CNTN5: variants seen among roughly 807,000 people sequenced by gnomAD.
CNTN5 encodes the protein contactin-5.
Under a neutral mutation model 129.1 loss-of-function variants are expected in CNTN5, and 77 were observed. The observed-to-expected ratio is 0.60, with a 90% CI of 0.50 to 0.72. CNTN5 has a LOEUF of 0.72. Among genes scored for constraint, CNTN5 ranks in the 30% least tolerant of loss-of-function variants. CNTN5 has a pLI of 0.00. For missense variants in CNTN5, 1,478 were observed against 1,328.8 expected (o/e 1.11, Z -1.75); for synonymous variants, 509 against 465.6 (o/e 1.09, Z -1.20).
rs1016734040 is a variant in CNTN5 at position 99,479,264 on chromosome 11, C to T, written c.-70-76881C>T. Among the ~76,000 whole-genome samples the T allele has an allele frequency of 1.3e-4, 17 of 133,178 alleles. 1 individual carries two copies. The Admixed American group carries it at 1.3e-3, about 10-fold the overall frequency. 87.4% of individuals were successfully genotyped at this position (133,178 alleles called of 152,430 possible). ...TCTATCAGGTTCAGAATGCCCTTCA[C>T]ACTTTTTTTTTTACTATTTTATAAG... On this transcript the variant is annotated intron_variant, in intron 2 of 24. Coordinates refer to ENST00000524871, the MANE Select transcript of CNTN5 (RefSeq NM_014361.4).
intron 2 of CNTN5, 30 bp downstream of exon 2, chr11:99,325,514 A>G (rs1284272401): frequency 6.6e-6 from 1 of 152,144 alleles, no homozygotes; most frequent in African/African-American, 2.4e-5. Flanking sequence ...AACTGCCTAT[A>G]AAATTGAAAG....
chr11:99,915,352 G>A lies in CNTN5; in HGVS notation c.578-702G>A, dbSNP rs576904914. On this transcript the variant is annotated intron_variant, in intron 6 of 24. Transcript: ENST00000524871. ...CTTTTTAGGAAAATCTTTTCAAATT[G>A]TGTAAATGCAACATAGTTTAAGGGA... Among the ~76,000 whole-genome samples the A allele has an allele frequency of 2.0e-5, 3 of 152,162 alleles. No individual in the cohort carries two copies. The South Asian group carries it at 6.2e-4, about 32-fold the overall frequency.
chr11:99,907,596 T>G (rs1366746049), intron 6 of CNTN5, among the ~76,000 whole-genome samples: 1 of 151,732 alleles, frequency 6.6e-6, no homozygotes, highest in Non-Finnish European at 1.5e-5. Context: ...TATTTAAAAA[T>G]ATATCTTTTA....
At chr11:99,912,123 G>T (rs1196882350) in intron 6 of CNTN5, among the ~76,000 whole-genome samples, 1 of 151,594 alleles carries the variant, frequency 6.6e-6, no homozygotes, top group African/African-American at 2.4e-5. Context: ...AGTAACTGAA[G>T]AATGTCAAGA....
At chr11:99,596,766 C>T (rs1247203112) in intron 3 of CNTN5, among the ~76,000 whole-genome samples, 5 of 152,076 alleles carry the variant, frequency 3.3e-5, no homozygotes, top group African/African-American at 9.7e-5. Context: ...AAATATAAAG[C>T]AACTTCTGTT....
intron 2 of CNTN5, among the ~76,000 whole-genome samples, chr11:99,331,839 T>C (rs1866011549): frequency 6.6e-6 from 1 of 152,122 alleles, no homozygotes; most frequent in East Asian, 1.9e-4. Flanking sequence ...AACAATTGAA[T>C]TAACAAAAGG....
chr11:99,401,255 T>C (rs932409169), intron 2 of CNTN5, among the ~76,000 whole-genome samples: 3 of 152,172 alleles, frequency 2.0e-5, no homozygotes, highest in African/African-American at 4.8e-5. Flanking sequence ...TTGAATTTTG[T>C]ATATGGTCAG....
intron 8 of CNTN5, among the ~76,000 whole-genome samples, chr11:99,961,149 G>A (rs1950931891): frequency 7.4e-6 from 1 of 134,470 alleles, no homozygotes; most frequent in African/African-American, 2.9e-5. Context: ...ATGCTGCAGT[G>A]AGCCAAGATC....
intron 1 of CNTN5, among the ~76,000 whole-genome samples, chr11:99,185,381 G>C (rs1858290504): frequency 6.6e-6 from 1 of 151,832 alleles, no homozygotes; most frequent in Non-Finnish European, 1.5e-5. Context: ...TAAATGATAG[G>C]TTAAGAAGTA....
At chr11:99,204,055 A>G (rs1394251554) in intron 1 of CNTN5, among the ~76,000 whole-genome samples, 1 of 152,204 alleles carries the variant, frequency 6.6e-6, no homozygotes, top group Non-Finnish European at 1.5e-5. Context: ...CTATATAGAC[A>G]TTTTTAATTT....
At chr11:99,838,379 A>G (rs1245658577) in intron 4 of CNTN5, among the ~76,000 whole-genome samples, 1 of 152,134 alleles carries the variant, frequency 6.6e-6, no homozygotes, top group African/African-American at 2.4e-5. Context: ...TGATACTTCT[A>G]TCTCTTATTT....
chr11:99,170,766 C>T (rs1565374327), intron 1 of CNTN5, among the ~76,000 whole-genome samples: 4 of 152,268 alleles, frequency 2.6e-5, no homozygotes, highest in East Asian at 1.9e-4. Context: ...AGACTGCAGG[C>T]TCCAGGCAGC....
chr11:99,664,233 C>G (rs1331747437), intron 3 of CNTN5, among the ~76,000 whole-genome samples: 1 of 152,138 alleles, frequency 6.6e-6, no homozygotes, highest in African/African-American at 2.4e-5. Context: ...TGATGACATT[C>G]CAGCTACACT....
At chr11:99,808,214 C>A (rs1326012327) in intron 3 of CNTN5, among the ~76,000 whole-genome samples, 1 of 152,134 alleles carries the variant, frequency 6.6e-6, no homozygotes, top group Non-Finnish European at 1.5e-5. Flanking sequence ...GAATATTGTG[C>A]AAATACTATG....
intron 3 of CNTN5, among the ~76,000 whole-genome samples, chr11:99,646,484 T>A (rs1452456138): frequency 6.6e-6 from 1 of 152,154 alleles, no homozygotes; most frequent in Non-Finnish European, 1.5e-5. Context: ...AAAGGTAAGA[T>A]GGAAAAACTC....
chr11:99,862,261 T>C (rs1948229599), intron 6 of CNTN5, among the ~76,000 whole-genome samples: 2 of 152,178 alleles, frequency 1.3e-5, no homozygotes, highest in African/African-American at 4.8e-5. Context: ...TAATAATACA[T>C]TCACTTTTAC....
chr11:99,290,109 AC>A (rs913500596), intron 1 of CNTN5, among the ~76,000 whole-genome samples: 2 of 151,614 alleles, frequency 1.3e-5, no homozygotes, highest in South Asian at 4.2e-4. Context: ...TAAAATTATA[AC>A]CCCCCCAAAA....
At chr11:99,095,748 G>T (rs1229416653) in intron 1 of CNTN5, among the ~76,000 whole-genome samples, 1 of 151,814 alleles carries the variant, frequency 6.6e-6, no homozygotes, top group Non-Finnish European at 1.5e-5. Context: ...ACTGTAGTTT[G>T]GATAAAGATT....
intron 2 of CNTN5, among the ~76,000 whole-genome samples, chr11:99,381,368 A>AT (rs1282846034): frequency 6.6e-6 from 1 of 152,146 alleles, no homozygotes; most frequent in Non-Finnish European, 1.5e-5. Flanking sequence ...ATTTATTCAG[A>AT]TTTTTTTAAG....
Sources: allele counts gnomAD v4.1 joint callset (sites outside exome capture counted in the v4.1 genomes callset), GRCh38; gene constraint gnomAD v4.1.1; transcripts MANE v1.5; gene names NCBI Gene and HGNC (gene_info 2026-07-23, HGNC 2026-07-21).